SYTL2: variants seen among roughly 807,000 people sequenced by gnomAD.
SYTL2 encodes the protein synaptotagmin-like protein 2.
In SYTL2, 165 loss-of-function variants were observed where a neutral mutation model predicts 198.7. The observed-to-expected ratio is 0.83, with a 90% CI of 0.73 to 0.94. SYTL2 has a LOEUF of 0.94. SYTL2 is among the 40% of genes least tolerant of loss of function. SYTL2 has a pLI of 0.00. For synonymous variants in SYTL2, 966 were observed against 917.7 expected (o/e 1.05, Z -0.95); for missense variants, 2,835 against 2,582.8 (o/e 1.10, Z -2.12).
chr11:85,763,003 CT>C (rs1181043729), intron 1 of SYTL2, among the ~76,000 whole-genome samples: 1 of 152,120 alleles, frequency 6.6e-6, no homozygotes, highest in Non-Finnish European at 1.5e-5. Flanking sequence ...CTATTTCCCC[CT>C]GAACATGAAC....
At chr11:85,799,551 A>G (rs1283209616) in intron 1 of SYTL2, among the ~76,000 whole-genome samples, 3 of 152,220 alleles carry the variant, frequency 2.0e-5, no homozygotes, top group African/African-American at 2.4e-5. Context: ...AACATGTACT[A>G]CACTCTTCAT....
At chr11:85,772,669 T>C (rs1212750548) in intron 1 of SYTL2, among the ~76,000 whole-genome samples, 3 of 152,218 alleles carry the variant, frequency 2.0e-5, no homozygotes, top group African/African-American at 7.2e-5. Flanking sequence ...CCAGCCCCAG[T>C]TTTGTTTTCC....
chr11:85,754,403 A>C (rs1481170880), intron 2 of SYTL2, among the ~76,000 whole-genome samples: 1 of 152,194 alleles, frequency 6.6e-6, no homozygotes, highest in Non-Finnish European at 1.5e-5. Flanking sequence ...CAGTCTACTA[A>C]CTAGAATCTC....
At position 85,720,935 on chromosome 11, in the gene SYTL2, A is replaced by C; in HGVS notation, c.5351T>G (p.Val1784Gly). Reference sequence around the variant, plus strand: ...GGCACTCCTTTCCAAAGTTTTCAAAACAGGACTGGGTTCTTCTTCTGAACC... The same window carrying C: ...GGCACTCCTTTCCAAAGTTTTCAAACCAGGACTGGGTTCTTCTTCTGAACC... ...PSSSEEEPSP[V>G]LKTLERSAAR... is the part of the protein sequence containing the mutation. The change falls in exon 9 of 20, where the codon GTT (valine) becomes GGT (glycine). Residue 1784 changes from valine to glycine, a missense_variant. By Grantham distance (109) the Val-to-Gly change is moderately radical (BLOSUM62 -3). Coordinates refer to ENST00000359152, the MANE Select transcript of SYTL2 (RefSeq NM_206927.4). 6.2e-7 allele frequency: 1 copy of C among 1,613,400 alleles called. No homozygotes were observed. The highest frequency in any genetic ancestry group is 8.5e-7 in the Non-Finnish European group (1 of 1,179,400).
chr11:85,837,584 T>C, the SYTL2 span, among the ~76,000 whole-genome samples: 1 of 152,200 alleles, frequency 6.6e-6, no homozygotes, highest in Non-Finnish European at 1.5e-5. Flanking sequence ...GTCAAAATGA[T>C]GAGGCTGGGA....
chr11:85,761,372 T>A (rs79326044), intron 1 of SYTL2, among the ~76,000 whole-genome samples: 1 of 152,098 alleles, frequency 6.6e-6, no homozygotes, highest in Non-Finnish European at 1.5e-5. Flanking sequence ...GCCATGCAGA[T>A]ATCCCAGGGT....
intron 1 of SYTL2, among the ~76,000 whole-genome samples, chr11:85,794,508 A>C (rs1316500820): frequency 1.3e-5 from 2 of 152,192 alleles, no homozygotes; most frequent in Non-Finnish European, 2.9e-5. Context: ...CAACAGAACA[A>C]ATAACAAAAC....
rs750218721 is a variant in SYTL2 at position 85,726,574 on chromosome 11, T to G, written c.2784A>C (p.Leu928Phe). Reference sequence around the variant, plus strand: ...CATTTGAGGGAGGTTGCAGTGCTGGTAAAGTAATGTTTCTTCTAGAAGGCA... The same window carrying G: ...CATTTGAGGGAGGTTGCAGTGCTGGGAAAGTAATGTTTCTTCTAGAAGGCA... ...DSLPSRRNIT[L>F]PALQPPSNVG... Residue 928 changes from leucine (L) to phenylalanine (F), a missense_variant, in exon 8 of 20, where the codon TTA becomes TTC. Coordinates refer to ENST00000359152, the MANE Select transcript of SYTL2 (RefSeq NM_206927.4). The G allele has an allele frequency of 3.2e-6, 5 of 1,582,796 alleles. No homozygotes were observed. In the South Asian group the frequency reaches 5.6e-5, roughly 18 times the overall value.
intron 15 of SYTL2, 173 bp from the exon 16 acceptor site, chr11:85,705,201 T>TA (rs1468070591): frequency 2.0e-6 from 1 of 495,066 alleles, no homozygotes; most frequent in Non-Finnish European, 3.5e-6. Flanking sequence ...TTCAAAGAGC[T>TA]AAAATCCATC....
At chr11:85,762,893 A>T (rs1050730986) in intron 1 of SYTL2, among the ~76,000 whole-genome samples, 4 of 151,894 alleles carry the variant, frequency 2.6e-5, no homozygotes, top group Non-Finnish European at 4.4e-5. Context: ...TCTCCCAGTG[A>T]TTTGTATTCC....
rs564028626 is a variant in SYTL2 at position 85,721,251 on chromosome 11, T to A, written c.5327-292A>T. 2.6e-5 allele frequency among the ~76,000 whole-genome samples: 4 copies of A among 152,358 alleles called. No individual in the cohort carries two copies. In the South Asian group the frequency reaches 8.3e-4, roughly 32 times the overall value. ...TTACTCCTATTTTAGACATATGATT[T>A]GTCCTATGCCAGACATTGACTCTTC... On this transcript the variant is annotated intron_variant, in intron 8 of 19. Coordinates refer to ENST00000359152, the MANE Select transcript of SYTL2 (RefSeq NM_206927.4).
At chr11:85,853,246 G>T in the SYTL2 span, 1 of 429,728 alleles carries the variant, frequency 2.3e-6, no homozygotes, top group Non-Finnish European at 4.6e-6. Context: ...AAAAGATAGA[G>T]AAATCAGATT....
At position 85,725,299 on chromosome 11, in the gene SYTL2, C is replaced by T. The variant is rs1443889638; in HGVS notation, c.4059G>A (p.Ser1353=). 5.6e-6 allele frequency: 9 copies of T among 1,613,916 alleles called. No homozygotes were observed. Among genetic ancestry groups the T allele is most frequent in the African/African-American group, 5.3e-5 (4 of 74,878 alleles). ...GAAGAATGACTTTCTCTACAGTCTCCGAAATTTCCGTTTGAGAAGGGTGTA... is the reference window on the plus strand; with the variant it reads ...GAAGAATGACTTTCTCTACAGTCTCTGAAATTTCCGTTTGAGAAGGGTGTA... The part of the protein sequence containing the change: ...ARVHPSQTEI[S]ETVEKVILPP... Residue 1353 remains serine (S), a synonymous_variant, in exon 8 of 20, where the codon TCG becomes TCA. Coordinates refer to ENST00000359152, the MANE Select transcript of SYTL2 (RefSeq NM_206927.4).
chr11:85,739,770 A>G (rs141966175), intron 4 of SYTL2, among the ~76,000 whole-genome samples: 1 of 152,094 alleles, frequency 6.6e-6, no homozygotes, highest in Non-Finnish European at 1.5e-5. Context: ...ATGTTACAAA[A>G]TTGGCAAAAG....
intron 4 of SYTL2, among the ~76,000 whole-genome samples, chr11:85,741,548 T>G (rs572963273): frequency 3.9e-5 from 6 of 152,254 alleles, no homozygotes; most frequent in Admixed American, 3.9e-4. Context: ...ATAAATGACT[T>G]TGTAGGCCAG....
chr11:85,705,842 G>C (rs2085051202), intron 15 of SYTL2, among the ~76,000 whole-genome samples: 1 of 152,154 alleles, frequency 6.6e-6, no homozygotes. Context: ...AATAGCCAGG[G>C]TACTAGGGTA....
At chr11:85,800,970 G>C (rs919572083) in intron 1 of SYTL2, among the ~76,000 whole-genome samples, 2 of 152,182 alleles carry the variant, frequency 1.3e-5, no homozygotes, top group African/African-American at 2.4e-5. Flanking sequence ...CTCCAGCATA[G>C]ATAAAGCAGG....
chr11:85,790,976 C>T (rs2092719888), intron 1 of SYTL2, among the ~76,000 whole-genome samples: 1 of 151,656 alleles, frequency 6.6e-6, no homozygotes, highest in Admixed American at 6.6e-5. Flanking sequence ...CCAGCTTGAC[C>T]AACACAGTGA....
intron 17 of SYTL2, among the ~76,000 whole-genome samples, chr11:85,698,387 A>G (rs761196969): frequency 6.6e-6 from 1 of 152,258 alleles, no homozygotes; most frequent in Non-Finnish European, 1.5e-5. Flanking sequence ...TCATCCATTT[A>G]CAGTTATATT....
Sources: allele counts gnomAD v4.1 joint callset (sites outside exome capture counted in the v4.1 genomes callset), GRCh38; gene constraint gnomAD v4.1.1; transcripts MANE v1.5; gene names NCBI Gene and HGNC (gene_info 2026-07-23, HGNC 2026-07-21).